Variants in NRXN1 observed in about 807,000 individuals in gnomAD.
The protein encoded by NRXN1 is neurexin 1.
A neutral mutation model predicts 150.9 loss-of-function variants in NRXN1; 39 were observed. The ratio of observed to expected loss-of-function variants is 0.26; its 90% CI spans 0.20 to 0.34. The LOEUF (loss-of-function observed/expected upper bound fraction) is 0.34, where lower values mean the gene tolerates loss of function less well. NRXN1 is among the 10% of genes least tolerant of loss of function. The pLI, the probability that NRXN1 is intolerant of heterozygous loss-of-function variation, is 1.00. For missense variants in NRXN1, 1,815 were observed against 1,949.9 expected (o/e 0.93, Z 1.30); for synonymous variants, 924 against 757.0 (o/e 1.22, Z -3.62).
chr2:51,003,034 T>G (rs1290722587), intron 2 of NRXN1, among the ~76,000 whole-genome samples: 1 of 151,932 alleles, frequency 6.6e-6, no homozygotes, highest in African/African-American at 2.4e-5. Flanking sequence ...AACTGGTGAA[T>G]TTAATGATCT....
intron 17 of NRXN1, among the ~76,000 whole-genome samples, chr2:50,336,522 G>A (rs1033420435): frequency 3.9e-5 from 6 of 152,238 alleles, no homozygotes; most frequent in Admixed American, 6.5e-5. Context: ...AGAATTATAC[G>A]ATTTTATTTA....
At chr2:50,811,516 T>C (rs1279999740) in intron 5 of NRXN1, among the ~76,000 whole-genome samples, 7 of 152,152 alleles carry the variant, frequency 4.6e-5, no homozygotes, top group African/African-American at 7.2e-5. Flanking sequence ...TTTGATTTTG[T>C]TTTTCCTACT....
chr2:50,071,870 T>A (rs567418254), intron 19 of NRXN1, among the ~76,000 whole-genome samples: 1 of 152,300 alleles, frequency 6.6e-6, no homozygotes, highest in Non-Finnish European at 1.5e-5. Context: ...AATGTCAAAA[T>A]CATGTCCATT....
At position 50,532,380 on chromosome 2, in the gene NRXN1, A is replaced by G. The variant is rs573975567; in HGVS notation, c.2144-950T>C. Among the ~76,000 whole-genome samples the G allele has an allele frequency of 4.7e-5, 7 of 148,828 alleles. No individual in the cohort carries two copies. In the South Asian group the frequency reaches 1.5e-3, roughly 32 times the overall value. ...AGAAAAAAAAAAGAAATATAGCTTAACTATAGGAACTAGGCCAATACTTTA... is the reference window on the plus strand; with the variant it reads ...AGAAAAAAAAAAGAAATATAGCTTAGCTATAGGAACTAGGCCAATACTTTA... On this transcript the variant is annotated intron_variant, in intron 10 of 22. Coordinates refer to ENST00000401669, the MANE Select transcript of NRXN1 (RefSeq NM_001330078.2).
intron 17 of NRXN1, among the ~76,000 whole-genome samples, chr2:50,403,241 TG>T (rs201515427): frequency 6.6e-6 from 1 of 152,084 alleles, no homozygotes; most frequent in Non-Finnish European, 1.5e-5. Context: ...ACAGAGGTGA[TG>T]GGGTAAAGGA....
At chr2:50,167,135 G>A (rs907547485) in intron 18 of NRXN1, among the ~76,000 whole-genome samples, 2 of 152,094 alleles carry the variant, frequency 1.3e-5, no homozygotes, top group Non-Finnish European at 2.9e-5. Flanking sequence ...TCTCAACACC[G>A]AGTACTAATG....
Position 49,990,099 on chromosome 2 carries a change from AT to A in NRXN1, c.4129-46309del, listed in dbSNP as rs767533995. Among the ~76,000 whole-genome samples the A allele has an allele frequency of 2.1e-3, 315 of 148,638 alleles. 4 individuals carry two copies. The highest frequency in any genetic ancestry group is 0.01 in the Middle Eastern group (3 of 286). On this transcript the variant is annotated intron_variant, in intron 21 of 22. Coordinates refer to ENST00000401669, the MANE Select transcript of NRXN1 (RefSeq NM_001330078.2). ...AATCATGCAACCAGCCAAGCAATAAATTTAAAAAAAAAAAAACTATCAAAGA... is the reference window on the plus strand; with the variant it reads ...AATCATGCAACCAGCCAAGCAATAAATTAAAAAAAAAAAAACTATCAAAGA...
chr2:50,831,888 G>C (rs1559326743), intron 5 of NRXN1, among the ~76,000 whole-genome samples: 1 of 152,162 alleles, frequency 6.6e-6, no homozygotes, highest in Non-Finnish European at 1.5e-5. Context: ...GTGCACAGAT[G>C]CACAGAGAAA....
chr2:50,750,588 T>A (rs1188204083), intron 5 of NRXN1, among the ~76,000 whole-genome samples: 1 of 151,968 alleles, frequency 6.6e-6, no homozygotes, highest in African/African-American at 2.4e-5. Flanking sequence ...GCTGAAAGTA[T>A]AATAATAATA....
At chr2:50,838,262 TTC>T (rs1418166167) in intron 5 of NRXN1, among the ~76,000 whole-genome samples, 3 of 152,164 alleles carry the variant, frequency 2.0e-5, no homozygotes, top group South Asian at 2.1e-4. Context: ...ATGAAAATCA[TTC>T]TGTTTCCCAT....
chr2:50,431,107 C>A (rs193044780), intron 17 of NRXN1, among the ~76,000 whole-genome samples: 185 of 152,262 alleles, frequency 1.2e-3, no homozygotes, highest in African/African-American at 4.1e-3. Flanking sequence ...ATCTTATTAA[C>A]CCCTTTCTAC....
intron 19 of NRXN1, among the ~76,000 whole-genome samples, chr2:50,070,649 A>C (rs1321227200): frequency 2.6e-5 from 4 of 151,054 alleles, no homozygotes; most frequent in South Asian, 2.1e-4. Flanking sequence ...GGGCGCCTGT[A>C]GTCCCAGCTA....
intron 18 of NRXN1, among the ~76,000 whole-genome samples, chr2:50,158,558 T>C (rs924631970): frequency 6.6e-6 from 1 of 152,084 alleles, no homozygotes; most frequent in Non-Finnish European, 1.5e-5. Context: ...ACTGGTTTTC[T>C]TTGAAATGTC....
At chr2:50,217,787 A>G (rs1486672193) in intron 18 of NRXN1, among the ~76,000 whole-genome samples, 2 of 152,088 alleles carry the variant, frequency 1.3e-5, no homozygotes, top group East Asian at 3.9e-4. Context: ...GCAGTATGAC[A>G]TCACTTGCAT....
In NRXN1 at chr2:50,312,336, T is replaced by G. The variant is rs143896232; in HGVS notation, c.3365-75366A>C. 2.6e-5 allele frequency among the ~76,000 whole-genome samples: 4 copies of G among 152,052 alleles called. No individual in the cohort carries two copies. The East Asian group carries it at 7.7e-4, about 29-fold the overall frequency. ...GCAGAGTTGGAGGACAGTCATAGTA[T>G]GCAGGGGTTAAAAAAAGAAAACAAT... On this transcript the variant is annotated intron_variant, in intron 17 of 22. Coordinates refer to ENST00000401669, the MANE Select transcript of NRXN1 (RefSeq NM_001330078.2).
intron 2 of NRXN1, among the ~76,000 whole-genome samples, chr2:50,930,948 G>T (rs903216919): frequency 7.9e-5 from 12 of 152,162 alleles, no homozygotes; most frequent in African/African-American, 2.9e-4. Context: ...TACAGAGCAA[G>T]AAAGCTCTTG....
chr2:50,865,599 T>TGC (rs1194955828), intron 5 of NRXN1, among the ~76,000 whole-genome samples: 2 of 147,958 alleles, frequency 1.4e-5, no homozygotes, highest in Non-Finnish European at 3.0e-5. Flanking sequence ...TGTGTGTGTG[T>TGC]GTGTGTGTGT....
intron 5 of NRXN1, among the ~76,000 whole-genome samples, chr2:50,711,606 G>T (rs572214108): frequency 2.5e-4 from 38 of 152,024 alleles, no homozygotes; most frequent in Non-Finnish European, 5.4e-4. Flanking sequence ...AAAGTGCTGG[G>T]ATTACAGGCA....
At chr2:50,343,058 A>G (rs1370728221) in intron 17 of NRXN1, among the ~76,000 whole-genome samples, 1 of 152,226 alleles carries the variant, frequency 6.6e-6, no homozygotes, top group Non-Finnish European at 1.5e-5. Context: ...TCAATTACAA[A>G]CCACACTTTT....
Sources: allele counts gnomAD v4.1 joint callset (sites outside exome capture counted in the v4.1 genomes callset), GRCh38; gene constraint gnomAD v4.1.1; transcripts MANE v1.5; gene names NCBI Gene and HGNC (gene_info 2026-07-23, HGNC 2026-07-21).